The following FA2H variants were observed in gnomAD, a reference collection of about 807,000 sequenced individuals.
FA2H encodes fatty acid 2-hydroxylase.
Under a neutral mutation model 44.9 loss-of-function variants are expected in FA2H, and 22 were observed. The observed-to-expected ratio is 0.49, with a 90% CI of 0.35 to 0.70. FA2H has a LOEUF of 0.70. Ranked by LOEUF, FA2H falls within the 30% of genes least tolerant of loss-of-function variation. The probability of loss-of-function intolerance (pLI) is 0.01; values close to 1 mark genes in which losing one functional copy is unlikely to be tolerated. For synonymous variants in FA2H, 243 were observed against 213.2 expected, an observed-to-expected ratio of 1.14 and a Z score of -1.22; for missense variants, 501 against 504.9, an observed-to-expected ratio of 0.99 and a Z score of 0.07.
In FA2H at chr16:74,727,289, C is replaced by CGGAT; in HGVS notation, c.457_460dup (p.Arg154HisfsTer10). 1 of 1,614,132 alleles carries CGGAT rather than the reference C, an allele frequency of 6.2e-7. No individual in the cohort carries two copies. The highest frequency in any genetic ancestry group is 1.3e-5 in the African/African-American group (1 of 75,048). On this transcript the variant is annotated frameshift_variant, in exon 3 of 7. Transcript: ENST00000219368. LOFTEE classifies it high-confidence loss of function. Reference sequence around the variant, plus strand: ...CTCAATGAGGTCTGAGTGGAAGAGGCGGATGGGCCTGGTCACCGGCTGGTG... The same window carrying CGGAT: ...CTCAATGAGGTCTGAGTGGAAGAGGCGGATGGATGGGCCTGGTCACCGGCTGGTG...
intron 2 of FA2H, among the ~76,000 whole-genome samples, chr16:74,733,767 T>C (rs1221018228): frequency 6.6e-6 from 1 of 152,130 alleles, no homozygotes; most frequent in Non-Finnish European, 1.5e-5. Context: ...GACCAAACAA[T>C]TGCCTTAGCT....
At chr16:74,725,453 C>T in intron 4 of FA2H, among the ~76,000 whole-genome samples, 1 of 152,178 alleles carries the variant, frequency 6.6e-6, no homozygotes, top group East Asian at 1.9e-4. Context: ...ATCCTAAACC[C>T]CAGTCTCATA....
chr16:74,732,283 T>C (rs996438789), intron 2 of FA2H, among the ~76,000 whole-genome samples: 8 of 152,246 alleles, frequency 5.3e-5, no homozygotes, highest in African/African-American at 1.9e-4. Flanking sequence ...CTGAGCGATC[T>C]TGAACTATGA....
intron 2 of FA2H, among the ~76,000 whole-genome samples, chr16:74,729,288 C>T (rs967119446): frequency 3.9e-5 from 6 of 152,120 alleles, no homozygotes; most frequent in Admixed American, 1.3e-4. Context: ...GGATTATGGG[C>T]GTAAGCCACC....
Position 74,774,468 on chromosome 16 carries a change from G to T in FA2H, c.270+18C>A. The T allele has an allele frequency of 6.7e-7, 1 of 1,498,486 alleles. No homozygotes were observed. The highest frequency in any genetic ancestry group is 8.9e-7 in the Non-Finnish European group (1 of 1,129,836). The allele number at this position is 1,498,486 out of a possible 1,614,324, so 92.8% of individuals were successfully genotyped here. ...ACGGAGGCCTGGGTTGGGGTGGGGG[G>T]CCCCGGCCCGGCTGTACCTGCTGCT... On this transcript the variant is annotated intron_variant, in intron 1 of 6. Transcript: ENST00000219368.
At chr16:74,769,618 T>A (rs1962868718) in intron 1 of FA2H, among the ~76,000 whole-genome samples, 1 of 152,172 alleles carries the variant, frequency 6.6e-6, no homozygotes, top group Non-Finnish European at 1.5e-5. Context: ...GGGTGGTGAT[T>A]CATGGATGCC....
intron 2 of FA2H, among the ~76,000 whole-genome samples, chr16:74,737,553 C>T (rs1962206484): frequency 6.6e-6 from 1 of 152,092 alleles, no homozygotes; most frequent in Non-Finnish European, 1.5e-5. Context: ...GCCTGTTGTC[C>T]TCTCACTCTT....
chr16:74,726,932 G>T (rs985793280), intron 3 of FA2H, among the ~76,000 whole-genome samples: 1 of 152,182 alleles, frequency 6.6e-6, no homozygotes, highest in Non-Finnish European at 1.5e-5. Context: ...GACCTCTTGT[G>T]GCAGAGGAGC....
At chr16:74,749,132 C>T (rs1342241716) in intron 1 of FA2H, among the ~76,000 whole-genome samples, 1 of 152,226 alleles carries the variant, frequency 6.6e-6, no homozygotes, top group Non-Finnish European at 1.5e-5. Flanking sequence ...AAGCCCACCT[C>T]TGCGGCCCCC....
In FA2H at chr16:74,754,996, G is replaced by A. The variant is rs79019071; in HGVS notation, c.271-14881C>T. 6.0e-3 allele frequency among the ~76,000 whole-genome samples: 907 copies of A among 152,246 alleles called. 3 individuals carry two copies. Among genetic ancestry groups the A allele is most frequent in the Non-Finnish European group, 0.01 (705 of 68,010 alleles). On this transcript the variant is annotated intron_variant, in intron 1 of 6. Transcript: ENST00000219368. ...TAAAGATGGAGGCAGAGATGGAAGC[G>A]ATACAACTACAAGCCAAGAAACACC...
At position 74,740,043 on chromosome 16, in the gene FA2H, T is replaced by C; in HGVS notation, c.343A>G (p.Lys115Glu). Residue 115 changes from lysine to glutamate, a missense_variant, in exon 2 of 7, where the codon AAA becomes GAA. Lys to Glu is a moderately conservative substitution (Grantham distance 56, BLOSUM62 1). Transcript: ENST00000219368. The part of the protein sequence containing the change: ...KTDPAMEPRF[K>E]VVDWDKDLVD... ...GGTACCTTGTCCCAATCCACCACTT[T>C]GAACCGTGGTTCCATAGCAGGATCT... 2 of 1,613,952 alleles carry C rather than the reference T, an allele frequency of 1.2e-6. No individual in the cohort carries two copies. Among genetic ancestry groups the C allele is most frequent in the Non-Finnish European group, 1.7e-6 (2 of 1,179,824 alleles).
Position 74,724,670 on chromosome 16 carries a change from G to GC in FA2H, c.613+1554dup, listed in dbSNP as rs769251181. On this transcript the variant is annotated intron_variant, in intron 4 of 6. Coordinates refer to ENST00000219368, the MANE Select transcript of FA2H (RefSeq NM_024306.5). Reference sequence around the variant, plus strand: ...GGCACGTGGAGACGTTATCTCTCATGCCCCCATCACTGGCATCATGGTCAC... The same window carrying GC: ...GGCACGTGGAGACGTTATCTCTCATGCCCCCCATCACTGGCATCATGGTCAC... 4.1e-4 allele frequency among the ~76,000 whole-genome samples: 63 copies of GC among 152,218 alleles called. 1 individual carries two copies. The highest frequency in any genetic ancestry group is 7.8e-4 in the Non-Finnish European group (53 of 67,970).
intron 2 of FA2H, among the ~76,000 whole-genome samples, chr16:74,732,469 C>T (rs1197405501): frequency 6.6e-6 from 1 of 151,542 alleles, no homozygotes; most frequent in Non-Finnish European, 1.5e-5. Flanking sequence ...TTGAGTCTCA[C>T]TCTGTCACCC....
intron 5 of FA2H, among the ~76,000 whole-genome samples, chr16:74,718,023 G>A (rs1195769078): frequency 6.6e-6 from 1 of 152,128 alleles, no homozygotes; most frequent in Non-Finnish European, 1.5e-5. Context: ...CCAGGACTGG[G>A]CACCCACCCT....
intron 1 of FA2H, among the ~76,000 whole-genome samples, chr16:74,767,717 G>T (rs13330763): frequency 1.3e-5 from 2 of 152,282 alleles, no homozygotes; most frequent in East Asian, 3.9e-4. Flanking sequence ...GCATCCAGAA[G>T]GAATGCTTCC....
intron 2 of FA2H, among the ~76,000 whole-genome samples, chr16:74,732,032 C>T (rs1469519368): frequency 1.6e-4 from 24 of 152,118 alleles, no homozygotes; most frequent in Admixed American, 6.5e-5. Context: ...GCCACCATGC[C>T]CAGCTAATTG....
At chr16:74,751,342 C>T (rs963267544) in intron 1 of FA2H, among the ~76,000 whole-genome samples, 4 of 152,110 alleles carry the variant, frequency 2.6e-5, no homozygotes, top group Admixed American at 2.0e-4. Flanking sequence ...GCGACCCACC[C>T]GCCTTGGCCT....
At position 74,761,831 on chromosome 16, in the gene FA2H, G is replaced by A. The variant is rs1243899637; in HGVS notation, c.270+12655C>T. On this transcript the variant is annotated intron_variant, in intron 1 of 6. Coordinates refer to ENST00000219368, the MANE Select transcript of FA2H (RefSeq NM_024306.5). ...CTTCATGAAGTCACTGAAAGCAGTG[G>A]AGAACTGTTTGACTCACAACTCCAT... is the stretch of plus-strand genomic sequence containing the variant. Among the ~76,000 whole-genome samples, 8 of 152,166 alleles carry A rather than the reference G, an allele frequency of 5.3e-5. No homozygotes were observed. The East Asian group carries it at 1.5e-3, about 29-fold the overall frequency.
At position 74,718,989 on chromosome 16, in the gene FA2H, T is replaced by G. The variant is rs555874983; in HGVS notation, c.785A>C (p.Lys262Thr). 1 of 1,613,604 alleles carries G rather than the reference T, an allele frequency of 6.2e-7. No homozygotes were observed. Among genetic ancestry groups the G allele is most frequent in the Non-Finnish European group, 8.5e-7 (1 of 1,179,994 alleles). Residue 262 changes from lysine (K) to threonine (T), a missense_variant and splice_region_variant, in exon 5 of 7, where the codon AAG (lysine) becomes ACG (threonine). Coordinates refer to ENST00000219368, the MANE Select transcript of FA2H (RefSeq NM_024306.5). The part of the protein sequence containing the change: ...LHFVMHGQHH[K>T]APFDGSRLVF... The stretch of plus-strand genomic sequence containing the variant: ...GGGCTGGGACCCCGCCCCGCTCACC[T>G]TGTGGTGCTGGCCGTGCATGACGAA...
Sources: allele counts gnomAD v4.1 joint callset (sites outside exome capture counted in the v4.1 genomes callset), GRCh38; gene constraint gnomAD v4.1.1; transcripts MANE v1.5; gene names NCBI Gene and HGNC (gene_info 2026-07-23, HGNC 2026-07-21).